NRG1: variants seen among roughly 807,000 people sequenced by gnomAD.
NRG1 encodes pro-neuregulin-1, membrane-bound isoform.
Under a neutral mutation model 63.8 loss-of-function variants are expected in NRG1, and 18 were observed. That is an observed-to-expected ratio of 0.28 (90% CI 0.19 to 0.42). The LOEUF (loss-of-function observed/expected upper bound fraction) is 0.42. Among genes scored for constraint, NRG1 ranks in the 10% least tolerant of loss-of-function variants. NRG1 has a pLI of 1.00. For missense variants in NRG1, 762 were observed against 814.7 expected (o/e 0.94, Z 0.79); for synonymous variants, 302 against 301.3 (o/e 1.00, Z -0.02).
chr8:32,216,968 T>C (rs1008944017), intron 1 of NRG1, among the ~76,000 whole-genome samples: 4 of 152,016 alleles, frequency 2.6e-5, no homozygotes, highest in African/African-American at 9.7e-5. Context: ...ATCCCTGCAC[T>C]TTGGGAGACC....
chr8:31,859,641 A>C (rs1207370190), intron 1 of NRG1, among the ~76,000 whole-genome samples: 1 of 152,236 alleles, frequency 6.6e-6, no homozygotes, highest in Non-Finnish European at 1.5e-5. Flanking sequence ...AAGGTGAGGG[A>C]TATCTGCATA....
chr8:32,177,052 A>G lies in NRG1; in HGVS notation c.38-418776A>G, dbSNP rs555934477. Among the ~76,000 whole-genome samples the G allele has an allele frequency of 7.2e-5, 11 of 152,354 alleles. No individual in the cohort carries two copies. In the South Asian group the frequency reaches 1.7e-3, roughly 23 times the overall value. On this transcript the variant is annotated intron_variant, in intron 1 of 10. Transcript: ENST00000519301. ...ACATATGTTTATTGTGGCACTATTC[A>G]CAATAGCAAACACTTGAAAACAAGT... is the stretch of plus-strand genomic sequence containing the variant.
intron 1 of NRG1, among the ~76,000 whole-genome samples, chr8:31,902,017 CTATT>C (rs1310836129): frequency 1.3e-5 from 2 of 152,024 alleles, no homozygotes; most frequent in Non-Finnish European, 1.5e-5. Flanking sequence ...ATGTCAATAA[CTATT>C]TACAGATATT....
chr8:32,331,384 A>T (rs1802633179), intron 1 of NRG1, among the ~76,000 whole-genome samples: 2 of 150,348 alleles, frequency 1.3e-5, no homozygotes, highest in Admixed American at 6.6e-5. Flanking sequence ...AAAAAAAAAT[A>T]GCTGGGTGTG....
intron 1 of NRG1, among the ~76,000 whole-genome samples, chr8:32,155,369 G>T (rs148943632): frequency 6.6e-6 from 1 of 152,064 alleles, no homozygotes; most frequent in African/African-American, 2.4e-5. Context: ...GACTCAGAGC[G>T]TATAGCCTTG....
At chr8:31,835,801 C>G (rs780867098) in intron 1 of NRG1, among the ~76,000 whole-genome samples, 1 of 152,064 alleles carries the variant, frequency 6.6e-6, no homozygotes, top group Admixed American at 6.5e-5. Context: ...AAATTATTGT[C>G]TCAGTTTATA....
chr8:32,042,403 A>G (rs1299207892), intron 1 of NRG1, among the ~76,000 whole-genome samples: 2 of 152,298 alleles, frequency 1.3e-5, no homozygotes, highest in Non-Finnish European at 2.9e-5. Context: ...CAGTGAGCAC[A>G]TCACTGCACT....
chr8:32,728,668 G>A, intron 6 of NRG1: 1 of 984,192 alleles, frequency 1.0e-6, no homozygotes, highest in Non-Finnish European at 1.2e-6. Flanking sequence ...ATTGTATGTA[G>A]CATCCCTGTG....
chr8:32,130,201 A>G (rs1320487274), intron 1 of NRG1, among the ~76,000 whole-genome samples: 1 of 151,870 alleles, frequency 6.6e-6, no homozygotes, highest in Non-Finnish European at 1.5e-5. Flanking sequence ...TTCCTTCCAA[A>G]TGATTCATGT....
intron 1 of NRG1, among the ~76,000 whole-genome samples, chr8:32,366,675 G>A (rs28801708): frequency 0.013 from 715 of 53,964 alleles, 5 homozygotes; most frequent in African/African-American, 0.037. Flanking sequence ...GTGTGTGTGT[G>A]TGTATATATA....
At position 31,854,481 on chromosome 8, in the gene NRG1, G is replaced by A. The variant is rs1586827568; in HGVS notation, c.37+215050G>A. Among the ~76,000 whole-genome samples, 3 of 151,400 alleles carry A rather than the reference G, an allele frequency of 2.0e-5. No homozygotes were observed. The South Asian group carries it at 6.3e-4, about 32-fold the overall frequency. The stretch of plus-strand genomic sequence containing the variant: ...TATCCCCTTTATCATTTTTTATTGT[G>A]TCTATTTGATTCTTCTCTCTTTTTT... On this transcript the variant is annotated intron_variant, in intron 1 of 10. Transcript: ENST00000519301.
At chr8:31,712,876 A>G (rs1313606352) in intron 1 of NRG1, among the ~76,000 whole-genome samples, 1 of 152,024 alleles carries the variant, frequency 6.6e-6, no homozygotes. Context: ...AGGTGGTTCC[A>G]CAGAGACAGT....
rs532528924 is a variant in NRG1 at position 32,742,993 on chromosome 8, G to A, written c.691+260G>A. On this transcript the variant is annotated intron_variant, in intron 7 of 11. Transcript: ENST00000356819. This position sits in a 1 kb window ranked among gnomAD's most constrained non-coding sequence, Gnocchi z 4.2. ...TTCTGGAATTGATATTGAATGATGT[G>A]ATACAAATTGATAGTCAATATCAAG... is the stretch of plus-strand genomic sequence containing the variant. 12 of 1,276,206 alleles carry A rather than the reference G, an allele frequency of 9.4e-6. No individual in the cohort carries two copies. The East Asian group carries it at 3.5e-4, about 37-fold the overall frequency. 79.1% of individuals were successfully genotyped at this position (1,276,206 alleles called of 1,614,324 possible).
intron 1 of NRG1, among the ~76,000 whole-genome samples, chr8:32,340,404 A>G (rs1013452092): frequency 6.6e-6 from 1 of 152,060 alleles, no homozygotes; most frequent in Non-Finnish European, 1.5e-5. Context: ...CCTGTGTCTC[A>G]TCCCTTCATG....
chr8:32,289,373 A>C (rs1487332950), intron 1 of NRG1, among the ~76,000 whole-genome samples: 7 of 152,094 alleles, frequency 4.6e-5, no homozygotes, highest in Non-Finnish European at 8.8e-5. Flanking sequence ...TTGGTTCCCT[A>C]ACTCTAAAAT....
chr8:32,015,263 G>A (rs935327606), intron 1 of NRG1, among the ~76,000 whole-genome samples: 2 of 152,118 alleles, frequency 1.3e-5, no homozygotes, highest in Non-Finnish European at 2.9e-5. Flanking sequence ...GCTAAATAGT[G>A]TAGTAGCCAT....
At chr8:32,726,334 G>A (rs554291240) in intron 5 of NRG1, among the ~76,000 whole-genome samples, 3 of 150,812 alleles carry the variant, frequency 2.0e-5, no homozygotes, top group African/African-American at 7.3e-5. Flanking sequence ...ATTTTTTTTT[G>A]CCAATTCCTT....
chr8:31,728,213 C>A (rs1248672958), intron 1 of NRG1, among the ~76,000 whole-genome samples: 1 of 152,100 alleles, frequency 6.6e-6, no homozygotes, highest in African/African-American at 2.4e-5. Flanking sequence ...CCTGTAATCC[C>A]AGCACTTTGG....
chr8:31,652,684 C>T (rs1029852795), intron 1 of NRG1, among the ~76,000 whole-genome samples: 31 of 152,214 alleles, frequency 2.0e-4, no homozygotes, highest in African/African-American at 6.5e-4. Context: ...ACTGTCCTTC[C>T]GTGGAATGGT....
Sources: allele counts gnomAD v4.1 joint callset (sites outside exome capture counted in the v4.1 genomes callset), GRCh38; gene constraint gnomAD v4.1.1; non-coding constraint Gnocchi (gnomAD v3.1); transcripts MANE v1.5; gene names NCBI Gene and HGNC (gene_info 2026-07-23, HGNC 2026-07-21).